NEURL1: variants seen among roughly 807,000 people sequenced by gnomAD.
NEURL1 encodes the protein E3 ubiquitin-protein ligase NEURL1.
A neutral mutation model predicts 41.2 loss-of-function variants in NEURL1; 26 were observed. The observed-to-expected ratio is 0.63, with a 90% confidence interval of 0.46 to 0.87. The LOEUF is 0.87. NEURL1 is among the 40% of genes least tolerant of loss of function. The probability of loss-of-function intolerance (pLI) is 0.00; values close to 1 mark genes in which losing one functional copy is unlikely to be tolerated. For missense variants in NEURL1, 761 were observed against 871.1 expected (o/e 0.87, Z 1.59); for synonymous variants, 400 against 402.3 (o/e 0.99, Z 0.07).
chr10:103,584,472 G>A, intron 3 of NEURL1, 64 bp from the exon 4 acceptor site: 1 of 1,130,198 alleles, frequency 8.8e-7, no homozygotes, highest in Non-Finnish European at 1.1e-6. Flanking sequence ...GGACCGGACA[G>A]CGGGGCGCGC....
chr10:103,516,649 C>T (rs1187523750), intron 1 of NEURL1, among the ~76,000 whole-genome samples: 1 of 152,070 alleles, frequency 6.6e-6, no homozygotes, highest in Non-Finnish European at 1.5e-5. Flanking sequence ...CAGGAAAGGT[C>T]AGAGGGCCAG....
chr10:103,506,600 C>T (rs369358714), intron 1 of NEURL1, among the ~76,000 whole-genome samples: 33 of 151,928 alleles, frequency 2.2e-4, no homozygotes, highest in African/African-American at 7.7e-4. Context: ...CACTCTGTCG[C>T]CCAGGCTGGA....
At chr10:103,536,265 C>T (rs1055101446) in intron 1 of NEURL1, among the ~76,000 whole-genome samples, 16 of 152,140 alleles carry the variant, frequency 1.1e-4, no homozygotes, top group African/African-American at 2.7e-4. Flanking sequence ...CAATGTTGAC[C>T]GGGCGCTGTG....
In NEURL1 at chr10:103,508,876, T is replaced by C. The variant is rs773510801; in HGVS notation, c.85+14404T>C. Among the ~76,000 whole-genome samples the C allele has an allele frequency of 1.3e-5, 2 of 152,108 alleles. No homozygotes were observed. Among genetic ancestry groups the C allele is most frequent in the Non-Finnish European group, 1.5e-5 (1 of 68,034 alleles). ...AGGGATCTTGGGTTTCCTCATCTGATCCCCCAAGTTGAGGTTGTGTTAAAG... is the reference window on the plus strand; with the variant it reads ...AGGGATCTTGGGTTTCCTCATCTGACCCCCCAAGTTGAGGTTGTGTTAAAG... On this transcript the variant is annotated intron_variant, in intron 1 of 5. Coordinates refer to ENST00000369780, the MANE Select transcript of NEURL1 (RefSeq NM_004210.5). This position sits in a 1 kb window ranked among gnomAD's most constrained non-coding sequence, Gnocchi z 4.3.
At chr10:103,578,914 G>A (rs1230739664) in intron 3 of NEURL1, among the ~76,000 whole-genome samples, 5 of 152,228 alleles carry the variant, frequency 3.3e-5, no homozygotes, top group African/African-American at 7.2e-5. Context: ...GGCTGGCAGC[G>A]CCTCCCAAAC....
intron 1 of NEURL1, among the ~76,000 whole-genome samples, chr10:103,539,157 G>A (rs1041803654): frequency 6.6e-6 from 1 of 151,948 alleles, no homozygotes; most frequent in African/African-American, 2.4e-5. Flanking sequence ...ATGTTGCCCA[G>A]GCTGGTCTTG....
intron 1 of NEURL1, among the ~76,000 whole-genome samples, chr10:103,531,663 G>A (rs1472149942): frequency 6.6e-6 from 1 of 150,548 alleles, no homozygotes; most frequent in East Asian, 1.9e-4. Flanking sequence ...CCTCCTAAGT[G>A]CATACTACCA....
In NEURL1 at chr10:103,585,235, C is replaced by T. The variant is rs1298979566; in HGVS notation, c.1339+10C>T. On this transcript the variant is annotated intron_variant, in intron 4 of 5. Coordinates refer to ENST00000369780, the MANE Select transcript of NEURL1 (RefSeq NM_004210.5). The stretch of plus-strand genomic sequence containing the variant: ...CAGATCCGCATCCTCGGTGAGTGCC[C>T]GCAGCTGCGCCTGGGCGTATGCCTT... 3.3e-6 allele frequency: 5 copies of T among 1,500,970 alleles called. No homozygotes were observed. The highest frequency in any genetic ancestry group is 2.5e-5 in the East Asian group (1 of 40,426). 93.0% of individuals were successfully genotyped at this position (1,500,970 alleles called of 1,614,324 possible). A position where few individuals can be genotyped will look rare whatever the true frequency, so the allele number is the denominator to read the frequency against.
In NEURL1 at chr10:103,592,084, C is replaced by CT. The variant is rs2036061937; in HGVS notation, c.*1713dup. 6.6e-6 allele frequency: 1 copy of CT among 152,294 alleles called. No individual in the cohort carries two copies. The highest frequency in any genetic ancestry group is 6.5e-5 in the Admixed American group (1 of 15,284). The allele number at this position is 152,294 out of a possible 1,614,324, so 9.4% of individuals were successfully genotyped here. A position where few individuals can be genotyped will look rare whatever the true frequency, so the allele number is the denominator to read the frequency against. On this transcript the variant is annotated 3_prime_UTR_variant, in exon 6 of 6. Coordinates refer to ENST00000369780, the MANE Select transcript of NEURL1 (RefSeq NM_004210.5). The surrounding 1 kb of genome is among the most constrained non-coding windows in gnomAD (Gnocchi z 4.8). ...TTTGCATCCATCAGAGACTGCACCT[C>CT]TGTGTGGCAGGCAGGGCATGGGTTT...
At chr10:103,494,721 T>A in intron 1 of NEURL1, 1 of 519,236 alleles carries the variant, frequency 1.9e-6, no homozygotes, top group East Asian at 3.6e-5. Context: ...CCTCAGGCCA[T>A]GGTCTTAGGC....
chr10:103,587,708 A>C (rs899107497), intron 4 of NEURL1, among the ~76,000 whole-genome samples: 8 of 152,272 alleles, frequency 5.3e-5, no homozygotes, highest in Admixed American at 2.0e-4. Context: ...CATGAAAGTC[A>C]GGAATATAAT....
chr10:103,550,053 T>A (rs942760291), intron 1 of NEURL1, among the ~76,000 whole-genome samples: 2 of 152,210 alleles, frequency 1.3e-5, no homozygotes, highest in African/African-American at 2.4e-5. Flanking sequence ...ACTGTGATGG[T>A]TTCTATTCCC....
intron 1 of NEURL1, among the ~76,000 whole-genome samples, chr10:103,516,009 C>G (rs1218205412): frequency 6.6e-6 from 1 of 152,074 alleles, no homozygotes; most frequent in Non-Finnish European, 1.5e-5. Flanking sequence ...AGGTGGATCA[C>G]TTGAGTCCAG....
At chr10:103,501,237 G>C (rs1439843962) in intron 1 of NEURL1, among the ~76,000 whole-genome samples, 1 of 152,200 alleles carries the variant, frequency 6.6e-6, no homozygotes, top group Non-Finnish European at 1.5e-5. Context: ...GACAGCTTTT[G>C]AGCAAGATGC....
chr10:103,508,919 A>C lies in NEURL1; in HGVS notation c.85+14447A>C, dbSNP rs1042391230. Among the ~76,000 whole-genome samples the C allele has an allele frequency of 6.6e-6, 1 of 152,188 alleles. No individual in the cohort carries two copies. Among genetic ancestry groups the C allele is most frequent in the African/African-American group, 2.4e-5 (1 of 41,450 alleles). On this transcript the variant is annotated intron_variant, in intron 1 of 5. Coordinates refer to ENST00000369780, the MANE Select transcript of NEURL1 (RefSeq NM_004210.5). This position sits in a 1 kb window ranked among gnomAD's most constrained non-coding sequence, Gnocchi z 4.3. ...TGTTAAAGAAACCAAATACAGGGTC[A>C]GGTGCGGTGGCTCATGTCTGTAATC... is the stretch of plus-strand genomic sequence containing the variant.
At chr10:103,496,224 A>G (rs569241194) in intron 1 of NEURL1, among the ~76,000 whole-genome samples, 93 of 152,328 alleles carry the variant, frequency 6.1e-4, no homozygotes, top group Non-Finnish European at 1.1e-3. Context: ...TAGGATGTTC[A>G]TGGCAGTGTT....
Position 103,589,495 on chromosome 10 carries a change from C to A in NEURL1, c.1340-19C>A. ...TGGGCAGGCAGCTAGTGTGTCCTTC[C>A]CTCCCTCCCCTTTCACAGGCTCCAC... On this transcript the variant is annotated intron_variant, in intron 4 of 5. Transcript: ENST00000369780. 1 of 1,575,552 alleles carries A rather than the reference C, an allele frequency of 6.3e-7. No homozygotes were observed. The highest frequency in any genetic ancestry group is 8.6e-7 in the Non-Finnish European group (1 of 1,158,326).
At chr10:103,532,313 G>A (rs1397418065) in intron 1 of NEURL1, among the ~76,000 whole-genome samples, 2 of 152,136 alleles carry the variant, frequency 1.3e-5, no homozygotes, top group African/African-American at 2.4e-5. Flanking sequence ...TTTTGGTAGT[G>A]ATAAGGTTTG....
chr10:103,584,387 A>C (rs1173747177), intron 3 of NEURL1, 149 bp from the exon 4 acceptor site: 2 of 398,826 alleles, frequency 5.0e-6, no homozygotes, highest in Non-Finnish European at 8.5e-6. Context: ...TCGTTTCTTG[A>C]CTGTGTTCGC....
Sources: gnomAD v4.1 joint callset for allele counts (sites outside exome capture counted in the v4.1 genomes callset) on GRCh38, gnomAD v4.1.1 for gene constraint, Gnocchi (gnomAD v3.1) non-coding constraint, MANE v1.5 for transcripts, NCBI Gene and HGNC (gene_info 2026-07-23, HGNC 2026-07-21) for gene names.